LARGE1: variants seen among roughly 807,000 people sequenced by gnomAD.
LARGE1 encodes the protein xylosyl- and glucuronyltransferase LARGE1.
A neutral mutation model predicts 87.6 loss-of-function variants in LARGE1; 43 were observed. The observed-to-expected ratio is 0.49, with a 90% confidence interval of 0.38 to 0.63. LARGE1 has a LOEUF of 0.63. LARGE1 is among the 30% of genes least tolerant of loss of function. The pLI is 0.00. For missense variants in LARGE1, 802 were observed against 1,000.2 expected (o/e 0.80, Z 2.67); for synonymous variants, 434 against 394.6 (o/e 1.10, Z -1.18).
rs143161919 is a variant in LARGE1, at chr22:33,685,318, C to T, written c.107-34650G>A. The stretch of plus-strand genomic sequence containing the variant: ...CACTTCCTAGAGGCATCTAATAAAG[C>T]ATGTACAAATGCCTAAAAACAGGAA... On this transcript the variant is annotated intron_variant, in intron 2 of 14. Coordinates refer to ENST00000397394, the MANE Select transcript of LARGE1 (RefSeq NM_133642.5). Among the ~76,000 whole-genome samples, 223 of 152,286 alleles carry T rather than the reference C, an allele frequency of 1.5e-3. 3 individuals carry two copies. In the East Asian group the frequency reaches 0.036, roughly 25 times the overall value.
intron 1 of LARGE1, among the ~76,000 whole-genome samples, chr22:33,844,242 G>A (rs2063365026): frequency 1.3e-5 from 2 of 152,138 alleles, no homozygotes; most frequent in Non-Finnish European, 2.9e-5. Flanking sequence ...ATGAGAGCAG[G>A]TGAAACAAGC....
chr22:33,310,946 T>C (rs1019610796), intron 11 of LARGE1, among the ~76,000 whole-genome samples: 5 of 151,692 alleles, frequency 3.3e-5, no homozygotes, highest in African/African-American at 1.2e-4. Flanking sequence ...TTGCTGTATA[T>C]GTGAGTGGGG....
chr22:33,181,338 T>C (rs1923149382), intron 11 of LARGE1, among the ~76,000 whole-genome samples: 1 of 152,192 alleles, frequency 6.6e-6, no homozygotes, highest in South Asian at 2.1e-4. Context: ...TCTATTTTTA[T>C]GTATTTTCAT....
intron 6 of LARGE1, among the ~76,000 whole-genome samples, chr22:33,483,703 GC>G (rs1259006341): frequency 6.6e-6 from 1 of 152,192 alleles, no homozygotes; most frequent in Admixed American, 6.5e-5. Flanking sequence ...TGAAGATCCT[GC>G]CTCGTTAAAG....
In LARGE1 at chr22:33,242,354, C is replaced by A. The variant is rs144848014; in HGVS notation, c.1730+61875G>T. On this transcript the variant is annotated intron_variant, in intron 11 of 11. Transcript: ENST00000608642. ...TATATGCACCTATCAATCTTCTAGTCTTAATGCACTTCCCCAAGTAGATTT... is the reference window on the plus strand; with the variant it reads ...TATATGCACCTATCAATCTTCTAGTATTAATGCACTTCCCCAAGTAGATTT... 2.6e-5 allele frequency among the ~76,000 whole-genome samples: 4 copies of A among 152,240 alleles called. No homozygotes were observed. The East Asian group carries it at 7.7e-4, about 29-fold the overall frequency.
At chr22:33,194,109 TCA>T (rs1417745445) in intron 11 of LARGE1, among the ~76,000 whole-genome samples, 1 of 151,968 alleles carries the variant, frequency 6.6e-6, no homozygotes, top group African/African-American at 2.4e-5. Context: ...TTTTTATAAT[TCA>T]CAGTTATTTA....
intron 6 of LARGE1, among the ~76,000 whole-genome samples, chr22:33,495,269 C>T (rs556483382): frequency 2.0e-4 from 31 of 152,326 alleles, no homozygotes; most frequent in African/African-American, 7.5e-4. Flanking sequence ...CATCGTGTTG[C>T]AGTCTTACAT....
intron 4 of LARGE1, among the ~76,000 whole-genome samples, chr22:33,611,297 G>A (rs189748044): frequency 9.1e-4 from 139 of 152,358 alleles, no homozygotes; most frequent in Admixed American, 4.9e-3. Flanking sequence ...CATGAGAGCA[G>A]CTGCAGGGGC....
chr22:33,393,083 T>C (rs1025794596), intron 7 of LARGE1, among the ~76,000 whole-genome samples: 2 of 152,132 alleles, frequency 1.3e-5, no homozygotes, highest in African/African-American at 4.8e-5. Context: ...GTATGGAAAA[T>C]TATGAGCTTA....
intron 6 of LARGE1, among the ~76,000 whole-genome samples, chr22:33,534,993 T>C (rs2148598230): frequency 6.6e-6 from 1 of 152,288 alleles, no homozygotes; most frequent in South Asian, 2.1e-4. Flanking sequence ...ACTTGGCATA[T>C]CCCAAGCATC....
chr22:33,405,935 G>A (rs1390994357), intron 7 of LARGE1, among the ~76,000 whole-genome samples: 15 of 152,162 alleles, frequency 9.9e-5, no homozygotes, highest in African/African-American at 3.6e-4. Flanking sequence ...AAAAATCAGA[G>A]TCTGGAATCT....
Position 33,836,031 on chromosome 22 carries a change from T to C in LARGE1, c.-82-74473A>G, listed in dbSNP as rs979387197. On this transcript the variant is annotated intron_variant, in intron 1 of 14. Coordinates refer to ENST00000397394, the MANE Select transcript of LARGE1 (RefSeq NM_133642.5). ...GCATTCAAAATTCTGTGTGCATACA[T>C]GTACACAAACAAGCACTTCTGGGGA... 2.6e-5 allele frequency among the ~76,000 whole-genome samples: 4 copies of C among 152,200 alleles called. No homozygotes were observed. In the East Asian group the frequency reaches 5.8e-4, roughly 22 times the overall value.
intron 9 of LARGE1, among the ~76,000 whole-genome samples, chr22:33,373,175 T>C (rs559896670): frequency 1.3e-5 from 2 of 152,288 alleles, no homozygotes; most frequent in South Asian, 4.1e-4. Context: ...AAGGCAATTA[T>C]TTATAAGCCT....
intron 11 of LARGE1, among the ~76,000 whole-genome samples, chr22:33,241,863 TG>T (rs1416986757): frequency 6.6e-6 from 1 of 152,058 alleles, no homozygotes; most frequent in African/African-American, 2.4e-5. Flanking sequence ...CGGGAGAGGA[TG>T]GGGAAAGCAT....
At chr22:33,621,586 A>G (rs2079756345) in intron 4 of LARGE1, among the ~76,000 whole-genome samples, 1 of 152,220 alleles carries the variant, frequency 6.6e-6, no homozygotes, top group Admixed American at 6.5e-5. Context: ...TATTAACATT[A>G]GTAAGGTACT....
intron 5 of LARGE1, among the ~76,000 whole-genome samples, chr22:33,589,216 C>T (rs960088322): frequency 2.0e-5 from 3 of 152,312 alleles, no homozygotes; most frequent in Admixed American, 1.3e-4. Context: ...GTCTAGCTGC[C>T]TCTACTCTCA....
At chr22:33,238,608 T>C (rs1157799143) in intron 11 of LARGE1, among the ~76,000 whole-genome samples, 1 of 152,106 alleles carries the variant, frequency 6.6e-6, no homozygotes, top group African/African-American at 2.4e-5. Context: ...AGCCCATAAG[T>C]AAAATCTCAG....
intron 1 of LARGE1, among the ~76,000 whole-genome samples, chr22:33,899,616 T>C (rs745428185): frequency 2.6e-5 from 4 of 152,126 alleles, no homozygotes; most frequent in Non-Finnish European, 5.9e-5. Flanking sequence ...GACTTTGTCT[T>C]GTTCTCCTCC....
chr22:33,626,183 A>C, intron 4 of LARGE1, 61 bp downstream of exon 4: 1 of 1,460,056 alleles, frequency 6.8e-7, no homozygotes, highest in Non-Finnish European at 9.6e-7. Context: ...CCCTTCCCCA[A>C]GGAAATACAC....
Sources: gnomAD v4.1 joint callset for allele counts (sites outside exome capture counted in the v4.1 genomes callset) on GRCh38, gnomAD v4.1.1 for gene constraint, MANE v1.5 for transcripts, NCBI Gene and HGNC (gene_info 2026-07-23, HGNC 2026-07-21) for gene names.